KAT6A: variants seen among roughly 807,000 people sequenced by gnomAD.
KAT6A encodes the protein histone acetyltransferase KAT6A.
A neutral mutation model predicts 198.4 loss-of-function variants in KAT6A; 9 were observed. The ratio of observed to expected loss-of-function variants is 0.05; its 90% CI spans 0.03 to 0.08. KAT6A has a LOEUF of 0.08. Among genes scored for constraint, KAT6A ranks in the 10% least tolerant of loss-of-function variants. The pLI, the probability that KAT6A is intolerant of heterozygous loss-of-function variation, is 1.00. For synonymous variants in KAT6A, 890 were observed against 883.0 expected, an observed-to-expected ratio of 1.01 and a Z score of -0.14; for missense variants, 2,077 against 2,509.9, an observed-to-expected ratio of 0.83 and a Z score of 3.69.
intron 2 of KAT6A, among the ~76,000 whole-genome samples, chr8:41,989,517 T>C (rs1325028173): frequency 6.8e-6 from 1 of 147,072 alleles, no homozygotes; most frequent in Non-Finnish European, 1.5e-5. Context: ...CTCGGAAAAA[T>C]AACATAACGT....
At chr8:42,015,475 T>C (rs1305133153) in intron 2 of KAT6A, among the ~76,000 whole-genome samples, 1 of 152,218 alleles carries the variant, frequency 6.6e-6, no homozygotes, top group African/African-American at 2.4e-5. Context: ...CTGTGGGCAA[T>C]ACAAAGATGT....
chr8:41,942,828 C>G lies in KAT6A; in HGVS notation c.2401G>C (p.Glu801Gln), dbSNP rs748715003. ...EEEAEEGENE[E>Q]PQCQERELEI... ...AATTCTCTTTCCTGGCACTGTGGCT[C>G]TTCGTTTTCTCCTTCCTCAGCCTCC... is the stretch of plus-strand genomic sequence containing the variant. The change falls in exon 14 of 17, where the codon GAG becomes CAG. Residue 801 changes from glutamate (E) to glutamine (Q), a missense_variant. By Grantham distance (29) the Glu-to-Gln change is conservative (BLOSUM62 2). Transcript: ENST00000265713. 2 of 1,614,138 alleles carry G rather than the reference C, an allele frequency of 1.2e-6. No homozygotes were observed. Among genetic ancestry groups the G allele is most frequent in the South Asian group, 1.1e-5 (1 of 91,080 alleles).
At chr8:42,041,545 C>G (rs1476311691) in intron 2 of KAT6A, among the ~76,000 whole-genome samples, 1 of 152,098 alleles carries the variant, frequency 6.6e-6, no homozygotes, top group Non-Finnish European at 1.5e-5. Context: ...GAGAACACAA[C>G]TGGCCAACAT....
At chr8:41,941,780 T>C (rs1822153058) in intron 14 of KAT6A, among the ~76,000 whole-genome samples, 1 of 152,208 alleles carries the variant, frequency 6.6e-6, no homozygotes, top group African/African-American at 2.4e-5. Flanking sequence ...GCAGTCTGAC[T>C]CCAGAGCCTA....
At chr8:41,996,257 G>C (rs535715555) in intron 2 of KAT6A, among the ~76,000 whole-genome samples, 1 of 152,090 alleles carries the variant, frequency 6.6e-6, no homozygotes, top group Non-Finnish European at 1.5e-5. Context: ...AAACCTCTAA[G>C]AGATCACTTA....
At chr8:42,026,838 A>T (rs1187509191) in intron 2 of KAT6A, among the ~76,000 whole-genome samples, 1 of 152,036 alleles carries the variant, frequency 6.6e-6, no homozygotes, top group South Asian at 2.1e-4. Context: ...ACCTTGCCTT[A>T]TTCCAATTCT....
intron 12 of KAT6A, among the ~76,000 whole-genome samples, chr8:41,944,729 C>T (rs1269291332): frequency 6.6e-6 from 1 of 152,214 alleles, no homozygotes; most frequent in Non-Finnish European, 1.5e-5. Context: ...CATACACACA[C>T]ACCCCCAATC....
At chr8:41,948,862 G>A (rs1205190011) in intron 10 of KAT6A, among the ~76,000 whole-genome samples, 1 of 151,932 alleles carries the variant, frequency 6.6e-6, no homozygotes, top group Non-Finnish European at 1.5e-5. Flanking sequence ...GATCAAGAGC[G>A]CTACTAACAG....
At chr8:41,972,228 A>C (rs1282196347) in intron 8 of KAT6A, among the ~76,000 whole-genome samples, 1 of 152,256 alleles carries the variant, frequency 6.6e-6, no homozygotes. Context: ...TCCTTACAAT[A>C]GAATGCCAAT....
rs142751773 is a variant in KAT6A, at chr8:42,046,711, A to G, written c.600+1667T>C. On this transcript the variant is annotated intron_variant, in intron 2 of 16. Coordinates refer to ENST00000265713, the MANE Select transcript of KAT6A (RefSeq NM_006766.5). ...GTATTTAAATTCAGCCACATGTGAT[A>G]AAGTTTCTACAGGTAAGAGTTCTTA... Among the ~76,000 whole-genome samples, 46 of 152,330 alleles carry G rather than the reference A, an allele frequency of 3.0e-4. 2 individuals carry two copies. The highest frequency in any genetic ancestry group is 5.9e-4 in the Non-Finnish European group (40 of 68,026).
intron 2 of KAT6A, among the ~76,000 whole-genome samples, chr8:42,046,079 A>T (rs1254609271): frequency 2.6e-5 from 4 of 152,232 alleles, no homozygotes; most frequent in Non-Finnish European, 5.9e-5. Context: ...GACGGTTCTC[A>T]GGGTCCCTTC....
At chr8:42,025,791 T>C (rs1251315462) in intron 2 of KAT6A, among the ~76,000 whole-genome samples, 2 of 152,250 alleles carry the variant, frequency 1.3e-5, no homozygotes, top group East Asian at 3.8e-4. Flanking sequence ...TTTGTTTTTG[T>C]TATCCATGCT....
In KAT6A at chr8:41,966,409, A is replaced by G. The variant is rs150010859; in HGVS notation, c.1482+8295T>C. On this transcript the variant is annotated intron_variant, in intron 8 of 16. Transcript: ENST00000265713. ...GAGAGACAGACTACATTCATGTAAC[A>G]CAATACAGTACATACAGGGTTCAGT... 3.7e-3 allele frequency among the ~76,000 whole-genome samples: 569 copies of G among 152,252 alleles called. 4 individuals are homozygous for G. The highest frequency in any genetic ancestry group is 0.013 in the African/African-American group (534 of 41,548).
In KAT6A at chr8:42,049,080, A is replaced by C; in HGVS notation, c.-103T>G. The C allele has an allele frequency of 1.6e-6, 2 of 1,262,978 alleles. No individual in the cohort carries two copies. The highest frequency in any genetic ancestry group is 2.2e-6 in the Non-Finnish European group (2 of 915,536). 78.2% of individuals were successfully genotyped at this position (1,262,978 alleles called of 1,614,324 possible). A position where few individuals can be genotyped will look rare whatever the true frequency, so the allele number is the denominator to read the frequency against. Reference sequence around the variant, plus strand: ...GATTCTCGGAGGCTGGGAACCAGTTAACCATAGCATATGAGTTTTCTGGCC... The same window carrying C: ...GATTCTCGGAGGCTGGGAACCAGTTCACCATAGCATATGAGTTTTCTGGCC... On this transcript the variant is annotated 5_prime_UTR_variant, in exon 2 of 17. The change creates a premature stop within an existing upstream ORF in the 5' untranslated region. Transcript: ENST00000265713.
chr8:41,960,757 C>T (rs1197714083), intron 8 of KAT6A, among the ~76,000 whole-genome samples: 9 of 152,054 alleles, frequency 5.9e-5, no homozygotes, highest in Non-Finnish European at 1.0e-4. Context: ...TTACCTTTTC[C>T]ATCCGGAGGA....
intron 2 of KAT6A, among the ~76,000 whole-genome samples, chr8:42,044,344 C>G (rs528981348): frequency 1.3e-5 from 2 of 151,378 alleles, no homozygotes; most frequent in Admixed American, 6.6e-5. Flanking sequence ...GGTGATCCAC[C>G]CCCCCCTCGG....
intron 14 of KAT6A, among the ~76,000 whole-genome samples, 179 bp from the exon 15 acceptor site, chr8:41,941,623 A>C (rs1822141659): frequency 1.3e-5 from 2 of 152,198 alleles, no homozygotes; most frequent in Admixed American, 1.3e-4. Context: ...CTGTATATGC[A>C]TTATTTATTT....
intron 2 of KAT6A, among the ~76,000 whole-genome samples, chr8:42,028,747 T>C (rs1826967392): frequency 6.6e-6 from 1 of 152,214 alleles, no homozygotes; most frequent in Non-Finnish European, 1.5e-5. Context: ...TGAAGACTTA[T>C]CCTGTATTTT....
intron 8 of KAT6A, among the ~76,000 whole-genome samples, chr8:41,968,653 C>A (rs916051411): frequency 2.6e-5 from 4 of 152,174 alleles, no homozygotes; most frequent in African/African-American, 4.8e-5. Flanking sequence ...ATAAATCATG[C>A]TGCTATAAAG....
Sources: allele counts gnomAD v4.1 joint callset (sites outside exome capture counted in the v4.1 genomes callset), GRCh38; gene constraint gnomAD v4.1.1; transcripts MANE v1.5; gene names NCBI Gene and HGNC (gene_info 2026-07-23, HGNC 2026-07-21).